The following GPC5 variants were observed in gnomAD, a reference collection of about 807,000 sequenced individuals.
The protein encoded by GPC5 is glypican 5, also known as glypican-5.
Under a neutral mutation model 53.9 loss-of-function variants are expected in GPC5, and 47 were observed. The ratio of observed to expected loss-of-function variants is 0.87; its 90% CI spans 0.69 to 1.11. GPC5 has a LOEUF of 1.11. Ranked by LOEUF, GPC5 falls within the 50% of genes most tolerant of loss-of-function variation. The probability of loss-of-function intolerance (pLI) is 0.00; values close to 1 mark genes in which losing one functional copy is unlikely to be tolerated. For missense variants in GPC5, 748 were observed against 713.1 expected, an observed-to-expected ratio of 1.05 and a Z score of -0.56; for synonymous variants, 286 against 263.3, an observed-to-expected ratio of 1.09 and a Z score of -0.84.
intron 2 of GPC5, among the ~76,000 whole-genome samples, chr13:91,511,901 T>C (rs1392500373): frequency 2.0e-5 from 3 of 152,130 alleles, no homozygotes; most frequent in Non-Finnish European, 4.4e-5. Context: ...CTCATAATTT[T>C]TAATTTTATA....
intron 5 of GPC5, among the ~76,000 whole-genome samples, chr13:91,804,249 T>A (rs2038184873): frequency 6.7e-6 from 1 of 150,352 alleles, no homozygotes; most frequent in Non-Finnish European, 1.5e-5. Context: ...TTCTTGATTT[T>A]AAAAAAAGTC....
At chr13:92,521,314 G>A (rs1441093577) in intron 7 of GPC5, among the ~76,000 whole-genome samples, 1 of 152,072 alleles carries the variant, frequency 6.6e-6, no homozygotes, top group Non-Finnish European at 1.5e-5. Flanking sequence ...AGCCCACATT[G>A]CCAAGACAAT....
intron 5 of GPC5, among the ~76,000 whole-genome samples, chr13:91,781,020 A>T (rs374763840): frequency 3.3e-4 from 50 of 152,336 alleles, no homozygotes; most frequent in African/African-American, 9.6e-4. Context: ...AGTATGGGTA[A>T]GTGGGAGAGA....
intron 7 of GPC5, among the ~76,000 whole-genome samples, chr13:92,531,451 C>T (rs748160423): frequency 1.3e-5 from 2 of 151,492 alleles, no homozygotes; most frequent in African/African-American, 2.4e-5. Flanking sequence ...AACTAATACA[C>T]TAAATATACA....
chr13:92,219,185 C>G (rs1361079194), intron 7 of GPC5, among the ~76,000 whole-genome samples: 1 of 152,076 alleles, frequency 6.6e-6, no homozygotes, highest in Non-Finnish European at 1.5e-5. Context: ...TAGCTTATCC[C>G]TACCCACTGT....
At chr13:92,681,787 T>C (rs1261697201) in intron 7 of GPC5, among the ~76,000 whole-genome samples, 1 of 152,206 alleles carries the variant, frequency 6.6e-6, no homozygotes, top group Non-Finnish European at 1.5e-5. Context: ...GCTCACAATG[T>C]TCCTGCCATC....
chr13:92,391,666 C>A (rs760602215), intron 7 of GPC5, among the ~76,000 whole-genome samples: 3 of 152,046 alleles, frequency 2.0e-5, no homozygotes, highest in Non-Finnish European at 2.9e-5. Context: ...AATATATATT[C>A]TAATTTTTAC....
At chr13:92,379,288 A>G (rs1041281181) in intron 7 of GPC5, among the ~76,000 whole-genome samples, 6 of 152,186 alleles carry the variant, frequency 3.9e-5, no homozygotes, top group African/African-American at 1.4e-4. Flanking sequence ...CAGAGCTCAT[A>G]TTATTCCCTC....
chr13:92,264,950 C>G (rs1482460090), intron 7 of GPC5, among the ~76,000 whole-genome samples: 3 of 145,118 alleles, frequency 2.1e-5, no homozygotes, highest in African/African-American at 7.6e-5. Flanking sequence ...ATTCCAGGTT[C>G]AAGGCTGCAC....
At chr13:91,833,921 G>T (rs1304549522) in intron 5 of GPC5, among the ~76,000 whole-genome samples, 2 of 152,050 alleles carry the variant, frequency 1.3e-5, no homozygotes, top group Non-Finnish European at 2.9e-5. Context: ...AAGAAATAAA[G>T]TGTATTCAAA....
chr13:92,576,462 A>T (rs1476389180), intron 7 of GPC5, among the ~76,000 whole-genome samples: 1 of 152,194 alleles, frequency 6.6e-6, no homozygotes, highest in Non-Finnish European at 1.5e-5. Context: ...ACATGCATCA[A>T]GTTTTACAAA....
chr13:91,970,922 G>A (rs2040235773), intron 6 of GPC5, among the ~76,000 whole-genome samples: 3 of 152,138 alleles, frequency 2.0e-5, no homozygotes, highest in Non-Finnish European at 2.9e-5. Flanking sequence ...TTGGTCTAAA[G>A]TTCTCTTTTT....
intron 7 of GPC5, among the ~76,000 whole-genome samples, chr13:92,552,091 A>G (rs1882337266): frequency 1.3e-5 from 2 of 151,952 alleles, no homozygotes; most frequent in South Asian, 2.1e-4. Flanking sequence ...ATGAAAATCC[A>G]TTTTTAACTT....
At chr13:91,996,484 T>C (rs569551099) in intron 6 of GPC5, 1 of 152,352 alleles carries the variant, frequency 6.6e-6, no homozygotes, top group Non-Finnish European at 1.5e-5. Context: ...TTTATAAATA[T>C]TTATTTCTGC....
chr13:92,534,734 G>A (rs67817501), intron 7 of GPC5, among the ~76,000 whole-genome samples: 15,834 of 152,098 alleles, frequency 0.1, 1,159 homozygotes, highest in African/African-American at 0.2. Context: ...TATGAATTAA[G>A]CAGTAAAATG....
intron 7 of GPC5, among the ~76,000 whole-genome samples, chr13:92,182,890 A>AAT (rs34891050): frequency 0.2 from 29,782 of 151,000 alleles, 3,899 homozygotes; most frequent in East Asian, 0.63. Context: ...AAAAAAAAAA[A>AAT]GTAAACATTT....
chr13:92,557,296 A>G (rs983024139), intron 7 of GPC5, among the ~76,000 whole-genome samples: 1 of 151,928 alleles, frequency 6.6e-6, no homozygotes, highest in Non-Finnish European at 1.5e-5. Flanking sequence ...TACCATGTTG[A>G]TGTGGTTAAA....
chr13:92,242,590 A>C (rs1334813762), intron 7 of GPC5, among the ~76,000 whole-genome samples: 1 of 152,082 alleles, frequency 6.6e-6, no homozygotes, highest in Non-Finnish European at 1.5e-5. Flanking sequence ...AAAATTAAAA[A>C]AATTAAAAAA....
chr13:91,729,035 T>A (rs928801691), intron 4 of GPC5, among the ~76,000 whole-genome samples: 1 of 152,204 alleles, frequency 6.6e-6, no homozygotes, highest in African/African-American at 2.4e-5. Context: ...AATTTTAAAT[T>A]GTAAATATGG....
Sources: gnomAD v4.1 joint callset for allele counts (sites outside exome capture counted in the v4.1 genomes callset) on GRCh38, gnomAD v4.1.1 for gene constraint, MANE v1.5 for transcripts, NCBI Gene and HGNC (gene_info 2026-07-23, HGNC 2026-07-21) for gene names.